The following IQCM variants were observed in gnomAD, a reference collection of about 807,000 sequenced individuals.
The protein encoded by IQCM is IQ motif containing M.
In IQCM, 45 loss-of-function variants were observed where a neutral mutation model predicts 57.6. That is an observed-to-expected ratio of 0.78 (90% CI 0.62 to 1.00). The LOEUF is 1.00. Among genes scored for constraint, IQCM ranks in the 50% least tolerant of loss-of-function variants. The pLI is 0.00. For synonymous variants in IQCM, 148 were observed against 158.9 expected (o/e 0.93, Z 0.51); for missense variants, 468 against 511.6 (o/e 0.91, Z 0.82).
chr4:149,637,874 G>T (rs776098410), intron 7 of IQCM, among the ~76,000 whole-genome samples: 1 of 152,078 alleles, frequency 6.6e-6, no homozygotes, highest in African/African-American at 2.4e-5. Flanking sequence ...CAAAGCTACC[G>T]AAGAATAACT....
At position 149,518,015 on chromosome 4, in the gene IQCM, T is replaced by A. The variant is rs62338915; in HGVS notation, c.1228+30440A>T. ...TAGAGACCCCTAATACAGAGGTTCT[T>A]GACTAGTTGAGGTATGTTGTTATAG... On this transcript the variant is annotated intron_variant, in intron 12 of 13. Coordinates refer to ENST00000636793, the MANE Select transcript of IQCM (RefSeq NM_001363507.2). 8.6e-3 allele frequency among the ~76,000 whole-genome samples: 1,305 copies of A among 152,336 alleles called. 7 individuals are homozygous for A. The highest frequency in any genetic ancestry group is 0.015 in the Non-Finnish European group (1,008 of 68,028).
intron 12 of IQCM, chr4:149,514,495 A>C (rs1156738951): frequency 6.6e-6 from 1 of 152,220 alleles, no homozygotes; most frequent in Non-Finnish European, 1.5e-5. Context: ...AATGACTATC[A>C]GAGGCATAGG....
intron 12 of IQCM, among the ~76,000 whole-genome samples, chr4:149,448,910 T>C (rs1248358364): frequency 1.3e-5 from 2 of 151,760 alleles, no homozygotes; most frequent in Non-Finnish European, 2.9e-5. Flanking sequence ...GGAGGTATTA[T>C]AGCAATTCTT....
chr4:149,376,014 T>C (rs1053020141), intron 13 of IQCM, among the ~76,000 whole-genome samples: 1 of 152,150 alleles, frequency 6.6e-6, no homozygotes, highest in African/African-American at 2.4e-5. Context: ...TTCTTTATCA[T>C]GCATCTCTCC....
At chr4:149,494,628 T>C (rs1271227537) in intron 12 of IQCM, among the ~76,000 whole-genome samples, 1 of 152,078 alleles carries the variant, frequency 6.6e-6, no homozygotes, top group African/African-American at 2.4e-5. Context: ...CCTTCAGCAC[T>C]CCATCTGCAA....
chr4:149,450,715 G>A (rs1265273628), intron 12 of IQCM, among the ~76,000 whole-genome samples: 2 of 151,732 alleles, frequency 1.3e-5, no homozygotes, highest in African/African-American at 4.8e-5. Context: ...AACAACAAAT[G>A]CTGGCAAAGA....
In IQCM at chr4:149,696,772, G is replaced by T. The variant is rs568923426; in HGVS notation, c.386-10304C>A. Among the ~76,000 whole-genome samples the T allele has an allele frequency of 2.0e-5, 3 of 152,170 alleles. No homozygotes were observed. In the East Asian group the frequency reaches 5.8e-4, roughly 30 times the overall value. Reference sequence around the variant, plus strand: ...GATAGGTGCCACTACCTGGGGCATGGTCTTTTCTTGGTAGATCAAAAAAGT... The same window carrying T: ...GATAGGTGCCACTACCTGGGGCATGTTCTTTTCTTGGTAGATCAAAAAAGT... On this transcript the variant is annotated intron_variant, in intron 5 of 13. Coordinates refer to ENST00000636793, the MANE Select transcript of IQCM (RefSeq NM_001363507.2).
At chr4:149,386,067 G>A (rs755254928) in intron 13 of IQCM, among the ~76,000 whole-genome samples, 5 of 151,934 alleles carry the variant, frequency 3.3e-5, no homozygotes, top group Admixed American at 1.3e-4. Context: ...AAGAAAAGTC[G>A]TAATAGTAGG....
At chr4:149,724,666 T>G (rs532077060) in intron 5 of IQCM, among the ~76,000 whole-genome samples, 1 of 152,162 alleles carries the variant, frequency 6.6e-6, no homozygotes. Flanking sequence ...CCTAAATATA[T>G]GTGCATGACA....
chr4:149,367,682 G>A (rs916032395), intron 13 of IQCM, among the ~76,000 whole-genome samples: 6 of 151,944 alleles, frequency 3.9e-5, no homozygotes, highest in Non-Finnish European at 8.8e-5. Flanking sequence ...ATGAAGTGCA[G>A]AGTCAAAAGT....
At position 149,475,358 on chromosome 4, in the gene IQCM, G is replaced by GA. The variant is rs1214577860; in HGVS notation, c.1229-41802dup. Among the ~76,000 whole-genome samples the GA allele has an allele frequency of 2.0e-5, 3 of 152,252 alleles. No homozygotes were observed. The East Asian group carries it at 5.8e-4, about 29-fold the overall frequency. On this transcript the variant is annotated intron_variant, in intron 12 of 13. Coordinates refer to ENST00000636793, the MANE Select transcript of IQCM (RefSeq NM_001363507.2). ...AGTTGTCATTAACTAAGATGGGTAA[G>GA]AATATAGGTGGGGCCAATTTGGACT...
At chr4:149,369,922 G>A (rs1425906428) in intron 13 of IQCM, among the ~76,000 whole-genome samples, 2 of 152,058 alleles carry the variant, frequency 1.3e-5, no homozygotes, top group Non-Finnish European at 2.9e-5. Flanking sequence ...AGGAGACAAG[G>A]TCTCACTCAG....
intron 7 of IQCM, among the ~76,000 whole-genome samples, chr4:149,670,086 A>G (rs918783098): frequency 3.9e-5 from 6 of 152,146 alleles, no homozygotes; most frequent in African/African-American, 1.2e-4. Flanking sequence ...CATTTTCAAA[A>G]TATTGTTTCT....
chr4:149,533,601 A>G (rs1746977666), intron 12 of IQCM, among the ~76,000 whole-genome samples: 1 of 152,140 alleles, frequency 6.6e-6, no homozygotes, highest in South Asian at 2.1e-4. Context: ...GAAGCCTCAC[A>G]GTCATGGCAG....
chr4:149,668,933 C>T (rs1374098336), intron 7 of IQCM, among the ~76,000 whole-genome samples: 1 of 152,052 alleles, frequency 6.6e-6, no homozygotes, highest in East Asian at 1.9e-4. Flanking sequence ...AGAGCAAGTA[C>T]CTAAATAATC....
At chr4:149,416,011 C>T (rs1028558203) in intron 13 of IQCM, among the ~76,000 whole-genome samples, 1 of 152,082 alleles carries the variant, frequency 6.6e-6, no homozygotes, top group African/African-American at 2.4e-5. Context: ...TGTAACAAAC[C>T]TGCACATTGT....
At chr4:149,715,795 C>G (rs567900369) in intron 5 of IQCM, among the ~76,000 whole-genome samples, 4 of 152,168 alleles carry the variant, frequency 2.6e-5, no homozygotes, top group Non-Finnish European at 5.9e-5. Context: ...ATTTGCTCAC[C>G]TCTCAGCTCC....
chr4:149,548,629 C>T, intron 11 of IQCM, 40 bp from the exon 12 acceptor site: 2 of 1,023,620 alleles, frequency 2.0e-6, no homozygotes, highest in Non-Finnish European at 2.5e-6. Flanking sequence ...TTTTTTTAAA[C>T]AATACATCAA....
At chr4:149,748,517 CT>C (rs1020086974) in intron 2 of IQCM, among the ~76,000 whole-genome samples, 2 of 152,126 alleles carry the variant, frequency 1.3e-5, no homozygotes, top group African/African-American at 2.4e-5. Flanking sequence ...AAAATACACT[CT>C]TTTTTTCACC....
Sources: allele counts gnomAD v4.1 joint callset (sites outside exome capture counted in the v4.1 genomes callset), GRCh38; gene constraint gnomAD v4.1.1; transcripts MANE v1.5; gene names NCBI Gene and HGNC (gene_info 2026-07-23, HGNC 2026-07-21).